Variants in RBFOX1 observed in about 807,000 individuals in gnomAD.
RBFOX1 encodes RNA binding protein fox-1 homolog 1.
A neutral mutation model predicts 57.7 loss-of-function variants in RBFOX1; 8 were observed. The observed-to-expected ratio is 0.14, with a 90% CI of 0.08 to 0.25. The LOEUF (loss-of-function observed/expected upper bound fraction) is 0.25. Ranked by LOEUF, RBFOX1 falls within the 10% of genes least tolerant of loss-of-function variation. The pLI, the probability that RBFOX1 is intolerant of heterozygous loss-of-function variation, is 1.00. For synonymous variants in RBFOX1, 326 were observed against 222.4 expected (o/e 1.47, Z -4.15); for missense variants, 611 against 548.5 (o/e 1.11, Z -1.14).
At chr16:5,966,421 G>A (rs9938480) in intron 4 of RBFOX1, among the ~76,000 whole-genome samples, 6,378 of 152,242 alleles carry the variant, frequency 0.042, 430 homozygotes, top group African/African-American at 0.14. Context: ...CGGAGCAGGA[G>A]CAAGTGTGAG....
intron 4 of RBFOX1, among the ~76,000 whole-genome samples, chr16:7,304,728 T>C (rs2096130563): frequency 6.6e-6 from 1 of 152,108 alleles, no homozygotes; most frequent in South Asian, 2.1e-4. Context: ...GCACCGGAAG[T>C]TTGAAATGGA....
At chr16:7,031,192 G>C (rs769661836) in intron 3 of RBFOX1, among the ~76,000 whole-genome samples, 2 of 152,160 alleles carry the variant, frequency 1.3e-5, no homozygotes, top group Non-Finnish European at 2.9e-5. Flanking sequence ...TTACAGTTAA[G>C]AAAATAAAGC....
chr16:5,459,510 C>G (rs144664067), intron 1 of RBFOX1, among the ~76,000 whole-genome samples: 21 of 152,270 alleles, frequency 1.4e-4, no homozygotes, highest in African/African-American at 5.1e-4. Flanking sequence ...AACCGCCTGA[C>G]CACTCTAAAT....
At chr16:6,623,833 C>G (rs1226785796) in intron 2 of RBFOX1, among the ~76,000 whole-genome samples, 2 of 152,160 alleles carry the variant, frequency 1.3e-5, no homozygotes, top group Non-Finnish European at 2.9e-5. Flanking sequence ...TTTTCTTAAT[C>G]CAGTCTATCA....
At chr16:5,278,101 T>C (rs559224928) in intron 1 of RBFOX1, among the ~76,000 whole-genome samples, 1 of 152,230 alleles carries the variant, frequency 6.6e-6, no homozygotes, top group Admixed American at 6.5e-5. Context: ...ATAATGGCTG[T>C]ACTAATTTAC....
chr16:7,542,585 T>C (rs2083240832), intron 5 of RBFOX1, among the ~76,000 whole-genome samples: 1 of 151,312 alleles, frequency 6.6e-6, no homozygotes. Flanking sequence ...CCGGGTGCAG[T>C]GGCTCACACC....
At chr16:6,591,755 G>T (rs2097714219) in intron 2 of RBFOX1, among the ~76,000 whole-genome samples, 1 of 152,216 alleles carries the variant, frequency 6.6e-6, no homozygotes, top group African/African-American at 2.4e-5. Flanking sequence ...CCAGAAAGCA[G>T]AGTCTGCATT....
At chr16:6,695,600 A>G (rs945517255) in intron 3 of RBFOX1, among the ~76,000 whole-genome samples, 1 of 152,036 alleles carries the variant, frequency 6.6e-6, no homozygotes, top group African/African-American at 2.4e-5. Context: ...AGCACTCTCA[A>G]TATATTTTCA....
intron 3 of RBFOX1, among the ~76,000 whole-genome samples, chr16:6,826,529 G>A (rs1324909338): frequency 6.6e-6 from 1 of 152,128 alleles, no homozygotes; most frequent in Non-Finnish European, 1.5e-5. Context: ...TGGCAGTGTG[G>A]GCACAGTCTT....
chr16:5,707,316 C>G (rs1000663093), intron 3 of RBFOX1, among the ~76,000 whole-genome samples: 1 of 152,228 alleles, frequency 6.6e-6, no homozygotes, highest in African/African-American at 2.4e-5. Context: ...TCTGTAATTT[C>G]TGCTTCTGCT....
chr16:6,332,549 A>G (rs962507043), intron 2 of RBFOX1, among the ~76,000 whole-genome samples: 4 of 152,318 alleles, frequency 2.6e-5, no homozygotes, highest in Non-Finnish European at 5.9e-5. Context: ...TTCTCAGCAC[A>G]TTACTTCTTT....
intron 3 of RBFOX1, among the ~76,000 whole-genome samples, chr16:7,049,465 T>TAG (rs1555813053): frequency 1.1e-4 from 16 of 148,630 alleles, no homozygotes; most frequent in African/African-American, 4.0e-4. Flanking sequence ...AGAACAGTAA[T>TAG]AAAAAAAAAA....
At chr16:7,213,343 A>G (rs2091488427) in intron 4 of RBFOX1, among the ~76,000 whole-genome samples, 1 of 152,148 alleles carries the variant, frequency 6.6e-6, no homozygotes, top group Non-Finnish European at 1.5e-5. Flanking sequence ...AATTAAAGAT[A>G]ATTTTAGGAA....
At chr16:7,188,017 A>G (rs1028917953) in intron 4 of RBFOX1, among the ~76,000 whole-genome samples, 2 of 152,194 alleles carry the variant, frequency 1.3e-5, no homozygotes, top group Non-Finnish European at 2.9e-5. Context: ...AGTTATCTCT[A>G]GATAGTGAGA....
intron 3 of RBFOX1, among the ~76,000 whole-genome samples, chr16:6,869,074 A>G (rs748094872): frequency 2.6e-5 from 4 of 152,228 alleles, no homozygotes; most frequent in Non-Finnish European, 2.9e-5. Context: ...TTCCATTGCT[A>G]TAAGCCACTA....
chr16:7,126,408 G>T (rs1263916799), intron 4 of RBFOX1: 2 of 234,628 alleles, frequency 8.5e-6, no homozygotes, highest in South Asian at 6.4e-5. Context: ...ACTGTGAACT[G>T]TGCAGCTCAC....
intron 3 of RBFOX1, among the ~76,000 whole-genome samples, chr16:6,849,383 G>T (rs564041879): frequency 6.6e-6 from 1 of 152,264 alleles, no homozygotes; most frequent in South Asian, 2.1e-4. Flanking sequence ...GAACTGAAAG[G>T]CCTGGCTGGG....
chr16:6,404,453 C>G (rs1175832846), intron 2 of RBFOX1, among the ~76,000 whole-genome samples: 1 of 152,066 alleles, frequency 6.6e-6, no homozygotes, highest in African/African-American at 2.4e-5. Flanking sequence ...GTTACAAATG[C>G]AATTTTCCCC....
intron 4 of RBFOX1, among the ~76,000 whole-genome samples, chr16:7,372,604 A>G (rs935939831): frequency 6.6e-6 from 1 of 152,130 alleles, no homozygotes; most frequent in Non-Finnish European, 1.5e-5. Flanking sequence ...TTCAGAATCA[A>G]TTAGTAATGT....
Sources: allele counts gnomAD v4.1 joint callset (sites outside exome capture counted in the v4.1 genomes callset), GRCh38; gene constraint gnomAD v4.1.1; transcripts MANE v1.5; gene names NCBI Gene and HGNC (gene_info 2026-07-23, HGNC 2026-07-21).